The following PTK2 variants were observed in gnomAD, a reference collection of about 807,000 sequenced individuals.
PTK2 encodes the protein protein tyrosine kinase 2, also known as focal adhesion kinase 1.
PTK2 carries 45 observed loss-of-function variants against 150.1 expected under a neutral mutation model. The observed-to-expected ratio is 0.30, with a 90% CI of 0.24 to 0.38. The LOEUF is 0.38. PTK2 is among the 10% of genes least tolerant of loss of function. The pLI is 1.00. For missense variants in PTK2, 919 were observed against 1,307.3 expected (o/e 0.70, Z 4.58); for synonymous variants, 432 against 449.2 (o/e 0.96, Z 0.48).
chr8:140,710,158 C>G (rs1249202238), intron 23 of PTK2, among the ~76,000 whole-genome samples: 1 of 151,128 alleles, frequency 6.6e-6, no homozygotes, highest in African/African-American at 2.4e-5. Flanking sequence ...AGAAGATTTT[C>G]ATATTTCAAA....
chr8:140,788,826 C>T (rs1373868738), intron 14 of PTK2, among the ~76,000 whole-genome samples: 2 of 152,036 alleles, frequency 1.3e-5, no homozygotes, highest in Non-Finnish European at 2.9e-5. Flanking sequence ...TATATGGTTA[C>T]GTATGTATAT....
intron 10 of PTK2, among the ~76,000 whole-genome samples, chr8:140,804,452 G>T (rs561938433): frequency 6.6e-6 from 1 of 151,914 alleles, no homozygotes; most frequent in South Asian, 2.1e-4. Flanking sequence ...ACCAGGCATG[G>T]TGGTCTGTGC....
chr8:140,751,966 C>T (rs757075463), intron 17 of PTK2: 1 of 613,222 alleles, frequency 1.6e-6, no homozygotes, highest in Admixed American at 1.8e-5. Flanking sequence ...GCACCAATTC[C>T]AGTGCAAAGA....
chr8:140,973,890 T>G (rs1272425593), intron 1 of PTK2, among the ~76,000 whole-genome samples: 1 of 152,178 alleles, frequency 6.6e-6, no homozygotes, highest in African/African-American at 2.4e-5. Flanking sequence ...ACTGCTAGAT[T>G]CCATCATTTC....
intron 1 of PTK2, among the ~76,000 whole-genome samples, chr8:140,980,554 G>A (rs1002397282): frequency 1.1e-4 from 16 of 152,104 alleles, no homozygotes; most frequent in Admixed American, 6.5e-4. Flanking sequence ...CCCGGGAGGC[G>A]GAGGTTGCAG....
At chr8:140,850,394 C>G (rs935919524) in intron 5 of PTK2, among the ~76,000 whole-genome samples, 1 of 151,586 alleles carries the variant, frequency 6.6e-6, no homozygotes, top group South Asian at 2.1e-4. Flanking sequence ...CCATTGCACT[C>G]CAGCCTGGGG....
rs370537018 is a variant in PTK2 at position 140,820,076 on chromosome 8, G to GTTTTTTTTTTTT, written c.649-1068_649-1057dup. Among the ~76,000 whole-genome samples the GTTTTTTTTTTTT allele has an allele frequency of 6.8e-4, 34 of 50,254 alleles. 6 individuals are homozygous for GTTTTTTTTTTTT. The highest frequency in any genetic ancestry group is 1.3e-3 in the East Asian group (2 of 1,574). 33.0% of individuals were successfully genotyped at this position (50,254 alleles called of 152,430 possible). On this transcript the variant is annotated intron_variant, in intron 8 of 31. Transcript: ENST00000522684. The stretch of plus-strand genomic sequence containing the variant: ...AGAGGAGTGACTTTATCTGACTTTG[G>GTTTTTTTTTTTT]TTTTTTTTTTTTTTTTTTTTTTTTT...
intron 1 of PTK2, among the ~76,000 whole-genome samples, chr8:140,980,347 G>A (rs1432233877): frequency 6.6e-6 from 1 of 152,232 alleles, no homozygotes; most frequent in African/African-American, 2.4e-5. Flanking sequence ...GCCGGGCACG[G>A]TGGCTCACGC....
intron 1 of PTK2, chr8:140,954,881 GT>G (rs1446595882): frequency 6.6e-6 from 1 of 151,948 alleles, no homozygotes; most frequent in Non-Finnish European, 1.5e-5. Flanking sequence ...TATTTCACTA[GT>G]TTTTTTCAAG....
At chr8:140,921,108 C>T (rs989038935) in intron 2 of PTK2, 2 of 1,295,990 alleles carry the variant, frequency 1.5e-6, no homozygotes, top group East Asian at 3.1e-5. Flanking sequence ...CTCTCAGTTA[C>T]AGAATCTTCT....
At chr8:140,767,693 C>G (rs2100073130) in intron 14 of PTK2, among the ~76,000 whole-genome samples, 1 of 152,026 alleles carries the variant, frequency 6.6e-6, no homozygotes, top group Admixed American at 6.5e-5. Context: ...GCCATGTTGC[C>G]CACGCTGGTC....
chr8:140,678,738 G>C (rs1443869021), intron 27 of PTK2, among the ~76,000 whole-genome samples: 1 of 152,144 alleles, frequency 6.6e-6, no homozygotes, highest in African/African-American at 2.4e-5. Flanking sequence ...CGGGAGAAGA[G>C]TAGCTTCGAG....
rs144389337 is a variant in PTK2, at chr8:140,882,450, T to C, written c.196-2813A>G. Reference sequence around the variant, plus strand: ...AAGGTACCAGAATTAAATTTAAATTTCTCATCGTGACTTTGAAGACACATC... The same window carrying C: ...AAGGTACCAGAATTAAATTTAAATTCCTCATCGTGACTTTGAAGACACATC... On this transcript the variant is annotated intron_variant, in intron 3 of 31. Coordinates refer to ENST00000522684, the Ensembl canonical transcript of PTK2. Among the ~76,000 whole-genome samples the C allele has an allele frequency of 2.0e-5, 3 of 152,270 alleles. No individual in the cohort carries two copies. In the East Asian group the frequency reaches 5.8e-4, roughly 29 times the overall value.
chr8:140,891,056 C>T (rs1348396660), intron 2 of PTK2, among the ~76,000 whole-genome samples: 1 of 150,216 alleles, frequency 6.7e-6, no homozygotes, highest in Non-Finnish European at 1.5e-5. Context: ...GTAATACCCC[C>T]ACCCCCACCC....
At chr8:140,669,565 T>C (rs1207717351) in intron 29 of PTK2, 162 bp downstream of exon 33, 4 of 676,778 alleles carry the variant, frequency 5.9e-6, no homozygotes, top group Non-Finnish European at 9.9e-6. Context: ...TTCTTTTGCA[T>C]ATATAAACAC....
At chr8:140,664,846 C>T in intron 31 of PTK2, 71 bp downstream of exon 35, 2 of 1,482,478 alleles carry the variant, frequency 1.3e-6, no homozygotes, top group South Asian at 1.2e-5. Context: ...CCTTCAGCAC[C>T]ACAGGCATCC....
chr8:140,894,674 T>C (rs1029740698), intron 2 of PTK2, among the ~76,000 whole-genome samples: 1 of 151,906 alleles, frequency 6.6e-6, no homozygotes, highest in Non-Finnish European at 1.5e-5. Flanking sequence ...AGGGGGAAAA[T>C]AGGAAAATAT....
At position 140,846,655 on chromosome 8, in the gene PTK2, C is replaced by A. The variant is rs1440362392; in HGVS notation, c.474G>T (p.Glu158Asp). The change falls in exon 6 of 32, where the codon GAG becomes GAT. Residue 158 changes from glutamate to aspartate, a missense_variant. Transcript: ENST00000522684. ...TTTCCTGGTCCACTTGATCAGCTAT[C>A]TCTAACATATAATCGCTCTTCACCT... The A allele has an allele frequency of 6.2e-7, 1 of 1,611,666 alleles. No individual in the cohort carries two copies. Among genetic ancestry groups the A allele is most frequent in the Non-Finnish European group, 8.5e-7 (1 of 1,178,958 alleles).
chr8:140,818,415 T>C, intron 9 of PTK2, 61 bp from the exon 10 acceptor site: 4 of 1,433,916 alleles, frequency 2.8e-6, no homozygotes, highest in Non-Finnish European at 3.9e-6. Context: ...ATACTTTAGA[T>C]AAAGAGCCGT....
Sources: gnomAD v4.1 joint callset for allele counts (sites outside exome capture counted in the v4.1 genomes callset) on GRCh38, gnomAD v4.1.1 for gene constraint, MANE v1.5 for transcripts, NCBI Gene and HGNC (gene_info 2026-07-23, HGNC 2026-07-21) for gene names.